IRAG1: variants seen among roughly 807,000 people sequenced by gnomAD.
IRAG1 encodes the protein inositol 1,4,5-triphosphate receptor associated 1.
IRAG1 carries 62 observed loss-of-function variants against 106.2 expected under a neutral mutation model. The ratio of observed to expected loss-of-function variants is 0.58; its 90% confidence interval spans 0.48 to 0.72. IRAG1 has a LOEUF of 0.72. Among genes scored for constraint, IRAG1 ranks in the 30% least tolerant of loss-of-function variants. IRAG1 has a pLI of 0.00. For missense variants in IRAG1, 1,064 were observed against 1,140.7 expected, an observed-to-expected ratio of 0.93 and a Z score of 0.97; for synonymous variants, 462 against 443.9, an observed-to-expected ratio of 1.04 and a Z score of -0.51.
intron 1 of IRAG1, among the ~76,000 whole-genome samples, chr11:10,686,813 C>G (rs1312541418): frequency 6.6e-6 from 1 of 152,164 alleles, no homozygotes; most frequent in African/African-American, 2.4e-5. Context: ...GGCTAAAGTA[C>G]AGATTTGATG....
At chr11:10,616,234 AG>A (rs1215867332) in intron 10 of IRAG1, among the ~76,000 whole-genome samples, 1 of 149,762 alleles carries the variant, frequency 6.7e-6, no homozygotes, top group Non-Finnish European at 1.5e-5. Context: ...TGGAGCTTGC[AG>A]TGAGCTGAGA....
chr11:10,654,568 G>C (rs1055866610), intron 1 of IRAG1, among the ~76,000 whole-genome samples: 14 of 152,180 alleles, frequency 9.2e-5, no homozygotes, highest in African/African-American at 2.9e-4. Context: ...GCCTGTGCAA[G>C]GGGCTGGTGA....
At chr11:10,609,071 T>C (rs1041996934) in intron 11 of IRAG1, among the ~76,000 whole-genome samples, 10 of 152,180 alleles carry the variant, frequency 6.6e-5, no homozygotes, top group Non-Finnish European at 1.3e-4. Context: ...TTGTTAAAAT[T>C]ACAATTTTTT....
At chr11:10,623,627 C>A in intron 10 of IRAG1, 151 bp downstream of exon 10, 1 of 742,578 alleles carries the variant, frequency 1.3e-6, no homozygotes, top group Non-Finnish European at 2.2e-6. Flanking sequence ...AGGTGCTGAG[C>A]GGGCAGAAGA....
chr11:10,661,250 C>T (rs751090472), intron 1 of IRAG1, among the ~76,000 whole-genome samples: 3 of 152,160 alleles, frequency 2.0e-5, no homozygotes, highest in Non-Finnish European at 4.4e-5. Flanking sequence ...CCTCCTTATA[C>T]TTGGGCTGCC....
At chr11:10,592,243 T>C (rs1158932942) in intron 17 of IRAG1, among the ~76,000 whole-genome samples, 1 of 152,194 alleles carries the variant, frequency 6.6e-6, no homozygotes, top group Non-Finnish European at 1.5e-5. Context: ...CCTGGGGGAA[T>C]AATGGTTTAA....
chr11:10,687,655 C>A (rs2135259094), intron 1 of IRAG1: 10 of 1,274,206 alleles, frequency 7.8e-6, no homozygotes, highest in Non-Finnish European at 1.0e-5. Context: ...GACACAGATG[C>A]CCAATCCTCT....
rs1352313889 is a variant in IRAG1, at chr11:10,594,136, A to G, written c.2067+10T>C. On this transcript the variant is annotated intron_variant, in intron 16 of 20. Coordinates refer to ENST00000423302, the MANE Select transcript of IRAG1 (RefSeq NM_130385.4). The stretch of plus-strand genomic sequence containing the variant: ...TTCCAGGAGCCCTGGTATTCCTTGA[A>G]CATGCATACCTTTCCCAGCGTGAGG... 6.2e-6 allele frequency: 10 copies of G among 1,602,706 alleles called. No individual in the cohort carries two copies. Among genetic ancestry groups the G allele is most frequent in the Admixed American group, 1.7e-5 (1 of 58,566 alleles).
Position 10,632,059 on chromosome 11 carries a change from A to G in IRAG1, c.332T>C (p.Val111Ala). ...GETDKNLANR[V>A]HSPHKRLSHR... is the part of the protein sequence containing the mutation. ...AGAAAGCCTCTTGTGGGGACTGTGA[A>G]CTCTGAAAGACAGAACAGTCATCTT... Residue 111 changes from valine to alanine, a missense_variant and splice_region_variant, in exon 4 of 21, where the codon GTT becomes GCT. Val to Ala is a moderately conservative substitution (Grantham distance 64). Coordinates refer to ENST00000423302, the MANE Select transcript of IRAG1 (RefSeq NM_130385.4). 1 of 1,612,514 alleles carries G rather than the reference A, an allele frequency of 6.2e-7. No individual in the cohort carries two copies. The highest frequency in any genetic ancestry group is 1.1e-5 in the South Asian group (1 of 91,060).
Position 10,623,762 on chromosome 11 carries a change from C to T in IRAG1, c.1447+16G>A, listed in dbSNP as rs761297177. 4.2e-5 allele frequency: 67 copies of T among 1,613,040 alleles called. No homozygotes were observed. The South Asian group carries it at 4.5e-4, about 11-fold the overall frequency. ...TCAGCACTCGCTGAGACAGCATCTG[C>T]CCCAACCCCACCTACCTTTTTCCTG... On this transcript the variant is annotated intron_variant, in intron 10 of 20. Coordinates refer to ENST00000423302, the MANE Select transcript of IRAG1 (RefSeq NM_130385.4).
chr11:10,684,809 T>C (rs1342072520), intron 1 of IRAG1, among the ~76,000 whole-genome samples: 1 of 152,084 alleles, frequency 6.6e-6, no homozygotes, highest in African/African-American at 2.4e-5. Flanking sequence ...CCTTCTGAGA[T>C]CTGGCAATCA....
At chr11:10,597,676 T>TTATC (rs1455502289) in intron 15 of IRAG1, among the ~76,000 whole-genome samples, 1 of 152,228 alleles carries the variant, frequency 6.6e-6, no homozygotes, top group African/African-American at 2.4e-5. Context: ...AATTTTAAGC[T>TTATC]TATCTTAAAA....
At chr11:10,670,064 C>G (rs1276200620) in intron 1 of IRAG1, among the ~76,000 whole-genome samples, 1 of 152,212 alleles carries the variant, frequency 6.6e-6, no homozygotes, top group Admixed American at 6.5e-5. Flanking sequence ...ACTGACATAA[C>G]CAATTGAGAT....
intron 1 of IRAG1, among the ~76,000 whole-genome samples, chr11:10,675,731 C>G (rs935283168): frequency 1.3e-5 from 2 of 152,210 alleles, no homozygotes; most frequent in Non-Finnish European, 2.9e-5. Flanking sequence ...ACCATTTACG[C>G]CCTCTTCCCT....
chr11:10,598,609 A>T (rs533982296), intron 15 of IRAG1, among the ~76,000 whole-genome samples: 1 of 152,272 alleles, frequency 6.6e-6, no homozygotes, highest in Non-Finnish European at 1.5e-5. Context: ...AAAGTCATGG[A>T]TATTTACAAA....
At chr11:10,676,077 T>C (rs182874933) in intron 1 of IRAG1, among the ~76,000 whole-genome samples, 1 of 152,240 alleles carries the variant, frequency 6.6e-6, no homozygotes, top group African/African-American at 2.4e-5. Flanking sequence ...TAGAGAATCG[T>C]GATTTGATCT....
intron 4 of IRAG1, among the ~76,000 whole-genome samples, chr11:10,631,356 G>A (rs758978131): frequency 6.6e-6 from 1 of 151,988 alleles, no homozygotes; most frequent in African/African-American, 2.4e-5. Flanking sequence ...TTCCTCCCTC[G>A]CCTATCTGTC....
intron 1 of IRAG1, among the ~76,000 whole-genome samples, chr11:10,683,011 C>T (rs1394618450): frequency 6.6e-6 from 1 of 152,100 alleles, no homozygotes; most frequent in Non-Finnish European, 1.5e-5. Context: ...GTATGTCATC[C>T]AGGGAATGCA....
chr11:10,687,815 C>T, intron 1 of IRAG1: 1 of 1,288,442 alleles, frequency 7.8e-7, no homozygotes, highest in Non-Finnish European at 1.0e-6. Context: ...ATAATAAGAC[C>T]TAATGTATAC....
Sources: allele counts gnomAD v4.1 joint callset (sites outside exome capture counted in the v4.1 genomes callset), GRCh38; gene constraint gnomAD v4.1.1; transcripts MANE v1.5; gene names NCBI Gene and HGNC (gene_info 2026-07-23, HGNC 2026-07-21).